The following PTPRD variants were observed in gnomAD, a reference collection of about 807,000 sequenced individuals.
PTPRD encodes protein tyrosine phosphatase receptor type D.
In PTPRD, 34 loss-of-function variants were observed where a neutral mutation model predicts 214.5. That is an observed-to-expected ratio of 0.16 (90% CI 0.12 to 0.21). The LOEUF (loss-of-function observed/expected upper bound fraction) is 0.21. PTPRD is among the 10% of genes least tolerant of loss of function. PTPRD has a pLI of 1.00. For synonymous variants in PTPRD, 1,128 were observed against 845.7 expected (o/e 1.33, Z -5.79); for missense variants, 2,545 against 2,398.7 (o/e 1.06, Z -1.27).
chr9:8,736,386 ATCAGTATTCATTTGCAAAATGAAAC>A (rs2090396810), intron 11 of PTPRD, among the ~76,000 whole-genome samples: 1 of 152,204 alleles, frequency 6.6e-6, no homozygotes, highest in African/African-American at 2.4e-5. Context: ...GAAAATGACT[ATCAGTATTCATTTGCAAAATGAAAC>A]TGCATACCTT....
At chr9:9,084,466 TG>T (rs2099764067) in intron 10 of PTPRD, among the ~76,000 whole-genome samples, 1 of 152,082 alleles carries the variant, frequency 6.6e-6, no homozygotes, top group Non-Finnish European at 1.5e-5. Context: ...GACAGGTTGA[TG>T]GGTTCAGCAA....
intron 4 of PTPRD, among the ~76,000 whole-genome samples, chr9:9,987,561 C>T (rs1042278053): frequency 1.3e-5 from 2 of 152,052 alleles, no homozygotes; most frequent in Non-Finnish European, 2.9e-5. Context: ...CCTGCCCCGA[C>T]AACATGTGGG....
At chr9:8,901,352 A>AGTAACAATTT in intron 11 of PTPRD, among the ~76,000 whole-genome samples, 1 of 152,334 alleles carries the variant, frequency 6.6e-6, no homozygotes, top group Non-Finnish European at 1.5e-5. Context: ...TTCCTCAATT[A>AGTAACAATTT]TGACAGTGAA....
intron 3 of PTPRD, among the ~76,000 whole-genome samples, chr9:10,323,004 T>G (rs776395281): frequency 6.6e-6 from 1 of 151,954 alleles, no homozygotes; most frequent in African/African-American, 2.4e-5. Context: ...TACAACAAAA[T>G]TATTTGATTC....
intron 3 of PTPRD, among the ~76,000 whole-genome samples, chr9:10,241,224 A>C (rs1377824448): frequency 6.6e-6 from 1 of 152,012 alleles, no homozygotes; most frequent in Non-Finnish European, 1.5e-5. Context: ...ATACAGAGGA[A>C]CTGGAACTGT....
intron 4 of PTPRD, among the ~76,000 whole-genome samples, chr9:10,005,405 T>C (rs945493952): frequency 2.6e-5 from 4 of 152,160 alleles, no homozygotes; most frequent in African/African-American, 9.7e-5. Context: ...TGCGGACTGC[T>C]GCTTGGCTAA....
chr9:8,581,487 G>A (rs2093087741), intron 14 of PTPRD, among the ~76,000 whole-genome samples: 1 of 152,158 alleles, frequency 6.6e-6, no homozygotes, highest in Non-Finnish European at 1.5e-5. Flanking sequence ...AGTGGCTCAC[G>A]CCTGTAATCC....
At chr9:8,761,560 C>T (rs1354869934) in intron 11 of PTPRD, among the ~76,000 whole-genome samples, 4 of 152,016 alleles carry the variant, frequency 2.6e-5, no homozygotes, top group African/African-American at 9.7e-5. Context: ...GCACAGAAAG[C>T]GGAGCTGCAA....
intron 9 of PTPRD, among the ~76,000 whole-genome samples, chr9:9,319,408 T>C (rs2135913793): frequency 6.6e-6 from 1 of 152,270 alleles, no homozygotes; most frequent in East Asian, 1.9e-4. Context: ...ACTCAAACAA[T>C]CTTTAGTTGG....
chr9:9,212,110 G>T (rs374745364), intron 9 of PTPRD, among the ~76,000 whole-genome samples: 1 of 151,560 alleles, frequency 6.6e-6, no homozygotes, highest in Non-Finnish European at 1.5e-5. Context: ...GTTTTGTATG[G>T]GCAATACCCA....
At chr9:8,778,457 C>T (rs897948170) in intron 11 of PTPRD, among the ~76,000 whole-genome samples, 7 of 152,174 alleles carry the variant, frequency 4.6e-5, no homozygotes, top group South Asian at 2.1e-4. Context: ...GATAACAGAG[C>T]GACCGTGTCT....
At chr9:10,488,474 G>T (rs2099147702) in intron 2 of PTPRD, among the ~76,000 whole-genome samples, 1 of 151,848 alleles carries the variant, frequency 6.6e-6, no homozygotes, top group South Asian at 2.1e-4. Context: ...GCCTGTGTTT[G>T]TTCAAGGTCC....
intron 9 of PTPRD, among the ~76,000 whole-genome samples, chr9:9,233,882 G>C (rs528174539): frequency 6.6e-6 from 1 of 152,286 alleles, no homozygotes; most frequent in African/African-American, 2.4e-5. Context: ...CACTCTCCTG[G>C]CTGCTTTTAT....
At chr9:8,775,495 G>C (rs1408151572) in intron 11 of PTPRD, among the ~76,000 whole-genome samples, 2 of 152,048 alleles carry the variant, frequency 1.3e-5, no homozygotes, top group African/African-American at 4.8e-5. Flanking sequence ...TAACAGGTAT[G>C]GAATATACTA....
intron 9 of PTPRD, among the ~76,000 whole-genome samples, chr9:9,282,769 C>T (rs1638410993): frequency 1.3e-5 from 2 of 151,372 alleles, no homozygotes; most frequent in South Asian, 4.1e-4. Context: ...GTGAGTTTTG[C>T]AGCTCTGATA....
chr9:10,512,957 G>C (rs560083566), intron 2 of PTPRD, among the ~76,000 whole-genome samples: 2 of 151,960 alleles, frequency 1.3e-5, no homozygotes, highest in Non-Finnish European at 2.9e-5. Flanking sequence ...ATGAGATCTA[G>C]GATAGATATT....
At chr9:9,971,181 A>G (rs1286938064) in intron 4 of PTPRD, among the ~76,000 whole-genome samples, 1 of 152,214 alleles carries the variant, frequency 6.6e-6, no homozygotes, top group Non-Finnish European at 1.5e-5. Context: ...CAATAAGCTA[A>G]TTAAAAAAAT....
At chr9:8,760,531 G>T (rs543489081) in intron 11 of PTPRD, among the ~76,000 whole-genome samples, 1 of 151,904 alleles carries the variant, frequency 6.6e-6, no homozygotes, top group African/African-American at 2.4e-5. Flanking sequence ...TTGAATGTCA[G>T]CATTACAAAA....
At chr9:8,922,528 T>C (rs2098834769) in intron 11 of PTPRD, among the ~76,000 whole-genome samples, 1 of 152,262 alleles carries the variant, frequency 6.6e-6, no homozygotes, top group Non-Finnish European at 1.5e-5. Context: ...ATGGCTCTTG[T>C]TTATTGTCTT....
Sources: allele counts gnomAD v4.1 joint callset (sites outside exome capture counted in the v4.1 genomes callset), GRCh38; gene constraint gnomAD v4.1.1; transcripts MANE v1.5; gene names NCBI Gene and HGNC (gene_info 2026-07-23, HGNC 2026-07-21).